The following SPIN1 variants were observed in gnomAD, a reference collection of about 807,000 sequenced individuals.
SPIN1 encodes spindlin 1.
Under a neutral mutation model 26.0 loss-of-function variants are expected in SPIN1, and 3 were observed. That is an observed-to-expected ratio of 0.12 (90% CI 0.05 to 0.30). The LOEUF (loss-of-function observed/expected upper bound fraction) is 0.30, where lower values mean the gene tolerates loss of function less well. Ranked by LOEUF, SPIN1 falls within the 10% of genes least tolerant of loss-of-function variation. SPIN1 has a pLI of 1.00. For missense variants in SPIN1, 126 were observed against 333.4 expected (o/e 0.38, Z 4.84); for synonymous variants, 101 against 116.5 (o/e 0.87, Z 0.86).
Position 88,441,468 on chromosome 9 carries a change from A to AG in SPIN1, c.53-7473_53-7472insG, listed in dbSNP as rs75081618. 3.5e-3 allele frequency among the ~76,000 whole-genome samples: 529 copies of AG among 149,332 alleles called. 11 individuals are homozygous for AG. The highest frequency in any genetic ancestry group is 0.013 in the African/African-American group (498 of 39,028). On this transcript the variant is annotated intron_variant, in intron 2 of 5. Coordinates refer to ENST00000375859, the MANE Select transcript of SPIN1 (RefSeq NM_006717.3). Reference sequence around the variant, plus strand: ...ATACATTGTTGCTCAATTAAGAAAAAAGGCCAGGCCAGTATGCTGTGGCTC... The same window carrying AG: ...ATACATTGTTGCTCAATTAAGAAAAAGAGGCCAGGCCAGTATGCTGTGGCTC...
intron 2 of SPIN1, among the ~76,000 whole-genome samples, chr9:88,446,171 A>G (rs1376329776): frequency 1.3e-5 from 2 of 152,098 alleles, no homozygotes; most frequent in Admixed American, 6.5e-5. Context: ...AATTGGGTTC[A>G]TATGCATTTA....
Position 88,450,041 on chromosome 9 carries a change from A to T in SPIN1, c.101+1052A>T, listed in dbSNP as rs192693278. The stretch of plus-strand genomic sequence containing the variant: ...ATATTTGTAATATTTAGCTTAAGAA[A>T]CTACCTGGAAAGTAAAAATGTGAAG... On this transcript the variant is annotated intron_variant, in intron 3 of 5. Coordinates refer to ENST00000375859, the MANE Select transcript of SPIN1 (RefSeq NM_006717.3). Among the ~76,000 whole-genome samples, 8 of 152,312 alleles carry T rather than the reference A, an allele frequency of 5.3e-5. No individual in the cohort carries two copies. The East Asian group carries it at 1.5e-3, about 29-fold the overall frequency.
chr9:88,400,017 C>T (rs1827152916), intron 1 of SPIN1, among the ~76,000 whole-genome samples: 1 of 152,134 alleles, frequency 6.6e-6, no homozygotes, highest in Non-Finnish European at 1.5e-5. Flanking sequence ...TCCTTAAATG[C>T]TGCTCTGCTG....
intron 1 of SPIN1, among the ~76,000 whole-genome samples, chr9:88,415,910 ATTT>A (rs34382784): frequency 1.5e-5 from 2 of 131,690 alleles, no homozygotes; most frequent in African/African-American, 2.9e-5. Context: ...TGCTCGGCTA[ATTT>A]TTTTTTTTTT....
chr9:88,413,991 C>T (rs1222876635), intron 1 of SPIN1, among the ~76,000 whole-genome samples: 1 of 145,850 alleles, frequency 6.9e-6, no homozygotes, highest in Non-Finnish European at 1.5e-5. Flanking sequence ...GGATGACTCA[C>T]AAAACTCAAG....
rs1369998049 is a variant in SPIN1 at position 88,478,094 on chromosome 9, A to G, written c.*2817A>G. The G allele has an allele frequency of 6.6e-6, 1 of 152,230 alleles. No individual in the cohort carries two copies. The highest frequency in any genetic ancestry group is 1.5e-5 in the Non-Finnish European group (1 of 68,036). The allele number at this position is 152,230 out of a possible 1,614,324, so 9.4% of individuals were successfully genotyped here. A position where few individuals can be genotyped will look rare whatever the true frequency, so the allele number is the denominator to read the frequency against. On this transcript the variant is annotated 3_prime_UTR_variant, in exon 6 of 6. Transcript: ENST00000375859. ...CACTGGTGAAGCAAATGTAGTGCCAACAGAAGGTGATTTTCCAGTTGTAAA... is the reference window on the plus strand; with the variant it reads ...CACTGGTGAAGCAAATGTAGTGCCAGCAGAAGGTGATTTTCCAGTTGTAAA...
intron 1 of SPIN1, among the ~76,000 whole-genome samples, chr9:88,401,639 G>A (rs1827189439): frequency 6.6e-6 from 1 of 152,200 alleles, no homozygotes; most frequent in Non-Finnish European, 1.5e-5. Flanking sequence ...AACTTTATGT[G>A]TTTGGTACAG....
In SPIN1 at chr9:88,469,894, A is replaced by G. The variant is rs529208695; in HGVS notation, c.589+1289A>G. 9.8e-5 allele frequency among the ~76,000 whole-genome samples: 15 copies of G among 152,340 alleles called. 1 individual carries two copies. In the South Asian group the frequency reaches 3.1e-3, roughly 32 times the overall value. On this transcript the variant is annotated intron_variant, in intron 5 of 5. Transcript: ENST00000375859. ...TCTGTACTTTTTAATATACGCACAG[A>G]TATGTACAGTCCTCACCACAGTCGA...
intron 1 of SPIN1, among the ~76,000 whole-genome samples, chr9:88,420,693 T>C (rs1008352369): frequency 5.3e-5 from 8 of 152,338 alleles, no homozygotes; most frequent in African/African-American, 1.4e-4. Context: ...TAATCTACAA[T>C]GAAGATTAAG....
intron 1 of SPIN1, among the ~76,000 whole-genome samples, chr9:88,396,036 G>A (rs1827047993): frequency 6.6e-6 from 1 of 151,872 alleles, no homozygotes; most frequent in African/African-American, 2.4e-5. Context: ...GACAGAGGGA[G>A]ACTCCGTCTC....
chr9:88,460,048 A>C (rs1393614433), intron 3 of SPIN1, among the ~76,000 whole-genome samples: 4 of 152,168 alleles, frequency 2.6e-5, no homozygotes, highest in Non-Finnish European at 5.9e-5. Context: ...TTTGACTTGG[A>C]TATGCCTTAG....
Position 88,397,686 on chromosome 9 carries a change from G to T in SPIN1, c.-159+9148G>T, listed in dbSNP as rs1308350490. On this transcript the variant is annotated intron_variant, in intron 1 of 5. Transcript: ENST00000375859. ...TCCCAGGCTGGAGTGCAGTGGTGCG[G>T]TCTCAGCTCACTGCAGTCTCCACTT... is the stretch of plus-strand genomic sequence containing the variant. 1.3e-5 allele frequency among the ~76,000 whole-genome samples: 2 copies of T among 151,534 alleles called. 1 individual carries two copies. Among genetic ancestry groups the T allele is most frequent in the Non-Finnish European group, 2.9e-5 (2 of 67,884 alleles).
chr9:88,475,394 C>G lies in SPIN1; in HGVS notation c.*117C>G. On this transcript the variant is annotated 3_prime_UTR_variant, in exon 6 of 6. Transcript: ENST00000375859. ...TTAAATGTCCCTGCGAACCCACAATCTCTGCCAGCAGAACTGGTTTTGTTC... is the reference window on the plus strand; with the variant it reads ...TTAAATGTCCCTGCGAACCCACAATGTCTGCCAGCAGAACTGGTTTTGTTC... 1 of 1,046,344 alleles carries G rather than the reference C, an allele frequency of 9.6e-7. No homozygotes were observed. The highest frequency in any genetic ancestry group is 1.6e-5 in the South Asian group (1 of 62,256). The allele number at this position is 1,046,344 out of a possible 1,614,324, so 64.8% of individuals were successfully genotyped here. A position where few individuals can be genotyped will look rare whatever the true frequency, so the allele number is the denominator to read the frequency against.
At chr9:88,452,104 C>A (rs1828365979) in intron 3 of SPIN1, among the ~76,000 whole-genome samples, 1 of 152,184 alleles carries the variant, frequency 6.6e-6, no homozygotes, top group Non-Finnish European at 1.5e-5. Context: ...CCAGGGATTT[C>A]TTTCCTCCCA....
intron 3 of SPIN1, among the ~76,000 whole-genome samples, chr9:88,452,397 T>C (rs1828371301): frequency 6.6e-6 from 1 of 152,230 alleles, no homozygotes; most frequent in Admixed American, 6.5e-5. Flanking sequence ...TTTTCTCTTC[T>C]CAGAAATTGG....
At chr9:88,414,391 A>G (rs1346358784) in intron 1 of SPIN1, among the ~76,000 whole-genome samples, 1 of 152,214 alleles carries the variant, frequency 6.6e-6, no homozygotes, top group African/African-American at 2.4e-5. Flanking sequence ...CTCACCATGA[A>G]TCACAGAGAT....
At chr9:88,470,417 A>C (rs1828756740) in intron 5 of SPIN1, among the ~76,000 whole-genome samples, 1 of 152,162 alleles carries the variant, frequency 6.6e-6, no homozygotes. Flanking sequence ...CGGAAATACC[A>C]CTTTACATTT....
chr9:88,425,696 C>G (rs1039555828), intron 1 of SPIN1, among the ~76,000 whole-genome samples: 1 of 151,584 alleles, frequency 6.6e-6, no homozygotes, highest in South Asian at 2.1e-4. Context: ...AAAAGATACA[C>G]TACTTCCATA....
At chr9:88,438,100 G>A (rs1013828514) in intron 2 of SPIN1, among the ~76,000 whole-genome samples, 2 of 151,160 alleles carry the variant, frequency 1.3e-5, no homozygotes, top group Non-Finnish European at 1.5e-5. Flanking sequence ...GCAGTGCATC[G>A]AGATCATGCT....
Sources: allele counts gnomAD v4.1 joint callset (sites outside exome capture counted in the v4.1 genomes callset), GRCh38; gene constraint gnomAD v4.1.1; transcripts MANE v1.5; gene names NCBI Gene and HGNC (gene_info 2026-07-23, HGNC 2026-07-21).